Variants in MACO1 observed in about 807,000 individuals in gnomAD.
MACO1 encodes macoilin.
Under a neutral mutation model 78.7 loss-of-function variants are expected in MACO1, and 14 were observed. The observed-to-expected ratio is 0.18, with a 90% CI of 0.12 to 0.28. The LOEUF is 0.28. Among genes scored for constraint, MACO1 ranks in the 10% least tolerant of loss-of-function variants. MACO1 has a pLI of 1.00. For missense variants in MACO1, 501 were observed against 799.0 expected (o/e 0.63, Z 4.50); for synonymous variants, 288 against 291.6 (o/e 0.99, Z 0.12).
chr1:25,439,956 T>C (rs2042954975), intron 1 of MACO1, among the ~76,000 whole-genome samples: 1 of 149,782 alleles, frequency 6.7e-6, no homozygotes, highest in African/African-American at 2.5e-5. Flanking sequence ...AGGCAGAGAT[T>C]GCGGTGAGCC....
intron 9 of MACO1, among the ~76,000 whole-genome samples, chr1:25,490,109 A>G (rs1384115823): frequency 6.6e-6 from 1 of 152,230 alleles, no homozygotes; most frequent in Admixed American, 6.5e-5. Context: ...TTGACCTTGA[A>G]ACAAGGGAAA....
chr1:25,441,535 T>A (rs1571951578), intron 1 of MACO1, among the ~76,000 whole-genome samples: 1 of 152,218 alleles, frequency 6.6e-6, no homozygotes, highest in South Asian at 2.1e-4. Flanking sequence ...GTAGTCAGAG[T>A]ACTGTGCTGG....
At chr1:25,494,840 A>C (rs2043520456) in intron 10 of MACO1, among the ~76,000 whole-genome samples, 1 of 152,192 alleles carries the variant, frequency 6.6e-6, no homozygotes, top group Non-Finnish European at 1.5e-5. Context: ...CAGAAACCCA[A>C]GTAGGAAATA....
chr1:25,497,434 C>A (rs1335078899), intron 10 of MACO1, among the ~76,000 whole-genome samples: 1 of 150,768 alleles, frequency 6.6e-6, no homozygotes, highest in East Asian at 1.9e-4. Context: ...AGACAGGAGG[C>A]TCAGGGAAAG....
At chr1:25,451,252 C>T (rs6699113) in intron 3 of MACO1, among the ~76,000 whole-genome samples, 65,445 of 151,902 alleles carry the variant, frequency 0.43, 15,521 homozygotes, top group Non-Finnish European at 0.54. Flanking sequence ...AAATTATTTC[C>T]TGACAATATT....
chr1:25,485,718 G>C lies in MACO1; in HGVS notation c.1419G>C (p.Gln473His). Reference protein sequence around the residue: ...EQEARSFVEKQLMEEKKRKKL... With the variant: ...EQEARSFVEKHLMEEKKRKKL... ...AAGCCCGAAGTTTTGTAGAGAAACA[G>C]TTAATGGAAGAGAAAAAGAGGAAGA... Residue 473 changes from glutamine to histidine, a missense_variant, in exon 8 of 11, where the codon CAG becomes CAC. This residue lies in a region of MACO1 where 163 missense variants were observed against 271.9 expected (regional missense o/e 0.60). Transcript: ENST00000374343. The surrounding 1 kb of genome is among the most constrained non-coding windows in gnomAD (Gnocchi z 4.3). The C allele has an allele frequency of 1.2e-6, 2 of 1,614,170 alleles. No homozygotes were observed. Among genetic ancestry groups the C allele is most frequent in the Non-Finnish European group, 1.7e-6 (2 of 1,180,032 alleles).
rs2043144806 is a variant in MACO1, at chr1:25,458,682, G to A, written c.944G>A (p.Cys315Tyr). 1 of 1,614,146 alleles carries A rather than the reference G, an allele frequency of 6.2e-7. No individual in the cohort carries two copies. Among genetic ancestry groups the A allele is most frequent in the Admixed American group, 1.7e-5 (1 of 60,012 alleles). ...STENLLKEDS[C>Y]TASSKNYKNA... ...GAAAATCTCTTGAAAGAGGACTCAT[G>A]CACTGCTTCCTCAAAAAATTACAAA... is the stretch of plus-strand genomic sequence containing the variant. The change falls in exon 6 of 11, where the codon TGC (cysteine) becomes TAC (tyrosine). Residue 315 changes from cysteine to tyrosine, a missense_variant. Transcript: ENST00000374343.
chr1:25,471,539 G>T (rs770668524), intron 6 of MACO1, among the ~76,000 whole-genome samples: 19 of 152,158 alleles, frequency 1.2e-4, no homozygotes, highest in Non-Finnish European at 2.8e-4. Context: ...GCTCAGTAAG[G>T]ACAGGGAACT....
chr1:25,431,380 C>G (rs1418305085), intron 1 of MACO1, among the ~76,000 whole-genome samples: 1 of 146,546 alleles, frequency 6.8e-6, no homozygotes, highest in Non-Finnish European at 1.5e-5. Context: ...TCGGCCCGGC[C>G]GGGCGGGCAG....
Position 25,454,295 on chromosome 1 carries a change from T to A in MACO1, c.386T>A (p.Ile129Asn), listed in dbSNP as rs2043095426. Residue 129 changes from isoleucine to asparagine, a missense_variant, in exon 4 of 11, where the codon ATC becomes AAC. Ile to Asn is a moderately radical substitution (Grantham distance 149). Coordinates refer to ENST00000374343, the MANE Select transcript of MACO1 (RefSeq NM_018202.6). ...TGTTTGCCTACAGTGTCTCTCTGGA[T>A]CCTCTTTGTTTATATTGAAGCAGCC... is the stretch of plus-strand genomic sequence containing the variant. ...GVCLPTVSLWILFVYIEAAIR... is the reference protein window; with the variant it reads ...GVCLPTVSLWNLFVYIEAAIR... The A allele has an allele frequency of 1.2e-6, 2 of 1,609,872 alleles. No individual in the cohort carries two copies. Among genetic ancestry groups the A allele is most frequent in the African/African-American group, 2.7e-5 (2 of 74,726 alleles).
At chr1:25,453,898 G>A (rs1167370368) in intron 3 of MACO1, among the ~76,000 whole-genome samples, 2 of 152,048 alleles carry the variant, frequency 1.3e-5, no homozygotes, top group African/African-American at 2.4e-5. Flanking sequence ...TCTCTAATCA[G>A]TAGTTAACAT....
At chr1:25,487,754 C>T (rs1014671998) in intron 8 of MACO1, among the ~76,000 whole-genome samples, 4 of 152,076 alleles carry the variant, frequency 2.6e-5, no homozygotes, top group African/African-American at 9.7e-5. Flanking sequence ...TCTAGTTCAC[C>T]GCCCCCTGCT....
intron 3 of MACO1, among the ~76,000 whole-genome samples, chr1:25,450,036 A>C (rs193192441): frequency 6.6e-6 from 1 of 152,104 alleles, no homozygotes; most frequent in Admixed American, 6.6e-5. Flanking sequence ...ACACAACAAA[A>C]CAACACAAAA....
At chr1:25,467,172 C>T (rs61775180) in intron 6 of MACO1, among the ~76,000 whole-genome samples, 56,413 of 151,882 alleles carry the variant, frequency 0.37, 12,476 homozygotes, top group East Asian at 0.7. Flanking sequence ...GCAGGAGAAT[C>T]GCTTGAACCC....
At position 25,499,498 on chromosome 1, in the gene MACO1, A is replaced by G. The variant is rs1008127224; in HGVS notation, c.*1032A>G. Reference sequence around the variant, plus strand: ...TTTAACTGTGCTTTCTCCACTTTTCATCATTTTGTGTTTGATGATTTAAAA... The same window carrying G: ...TTTAACTGTGCTTTCTCCACTTTTCGTCATTTTGTGTTTGATGATTTAAAA... On this transcript the variant is annotated 3_prime_UTR_variant, in exon 11 of 11. Transcript: ENST00000374343. 7.3e-5 allele frequency: 10 copies of G among 136,950 alleles called. No homozygotes were observed. Among genetic ancestry groups the G allele is most frequent in the African/African-American group, 2.6e-4 (9 of 35,150 alleles). The allele number at this position is 136,950 out of a possible 1,614,324, so 8.5% of individuals were successfully genotyped here.
intron 1 of MACO1, among the ~76,000 whole-genome samples, chr1:25,432,045 T>G (rs1020327746): frequency 2.6e-5 from 4 of 152,338 alleles, no homozygotes; most frequent in African/African-American, 9.6e-5. Context: ...TCGATTTGTG[T>G]ACGACTGTTA....
At chr1:25,439,071 A>C (rs900610633) in intron 1 of MACO1, among the ~76,000 whole-genome samples, 1 of 152,176 alleles carries the variant, frequency 6.6e-6, no homozygotes, top group African/African-American at 2.4e-5. Flanking sequence ...TTTATATTAT[A>C]CATTATATTA....
At chr1:25,435,824 T>C (rs569078237) in intron 1 of MACO1, among the ~76,000 whole-genome samples, 1 of 152,364 alleles carries the variant, frequency 6.6e-6, no homozygotes, top group East Asian at 1.9e-4. Flanking sequence ...AAGTGTTTAT[T>C]AGCTAAACTC....
intron 1 of MACO1, among the ~76,000 whole-genome samples, chr1:25,441,199 T>C (rs2042969045): frequency 6.6e-6 from 1 of 152,214 alleles, no homozygotes; most frequent in Non-Finnish European, 1.5e-5. Context: ...TTCAACATTT[T>C]TTTTTTTTGA....
Sources: allele counts gnomAD v4.1 joint callset (sites outside exome capture counted in the v4.1 genomes callset), GRCh38; gene constraint gnomAD v4.1.1; regional missense constraint gnomAD v4.1.1; non-coding constraint Gnocchi (gnomAD v3.1); transcripts MANE v1.5; gene names NCBI Gene and HGNC (gene_info 2026-07-23, HGNC 2026-07-21).